Variants in ZMAT1 observed in about 807,000 individuals in gnomAD.
ZMAT1 encodes zinc finger matrin-type protein 1.
A neutral mutation model predicts 18.5 loss-of-function variants in ZMAT1; 11 were observed. The ratio of observed to expected loss-of-function variants is 0.59; its 90% confidence interval spans 0.37 to 0.98. The LOEUF is 0.98. ZMAT1 is among the 50% of genes least tolerant of loss of function. The probability of loss-of-function intolerance (pLI) is 0.01; values close to 1 mark genes in which losing one functional copy is unlikely to be tolerated. For synonymous variants in ZMAT1, 211 were observed against 176.4 expected, an observed-to-expected ratio of 1.20 and a Z score of -1.55; for missense variants, 525 against 496.2, an observed-to-expected ratio of 1.06 and a Z score of -0.55.
chrX:101,925,992 C>G (rs1456204002), intron 1 of ZMAT1, among the ~76,000 whole-genome samples: 1 of 112,172 alleles, frequency 8.9e-6, no homozygotes, highest in Admixed American at 9.5e-5. Flanking sequence ...TAGAACCAAT[C>G]CAATGTCCTC....
chrX:101,883,517 C>G lies in ZMAT1; in HGVS notation c.2081G>C (p.Gly694Ala), dbSNP rs1240167942. The change falls in exon 6 of 6, where the codon GGA becomes GCA. Residue 694 changes from glycine (G) to alanine (A), a missense_variant. Transcript: ENST00000651725. ...GTAAACAAAACTAAACATTCAAAAT[C>G]CAAGAATAGACTCATCCCAAAGCAT... ...EEMLWDESILGF is the reference protein window; with the variant it reads ...EEMLWDESILAF The G allele has an allele frequency of 1.7e-6, 2 of 1,163,954 alleles. No homozygotes were observed. Among genetic ancestry groups the G allele is most frequent in the East Asian group, 6.0e-5 (2 of 33,226 alleles).
intron 1 of ZMAT1, among the ~76,000 whole-genome samples, chrX:101,920,428 A>G (rs1327348426): frequency 9.0e-6 from 1 of 111,640 alleles, no homozygotes; most frequent in Non-Finnish European, 1.9e-5. Context: ...AAATTCGTCT[A>G]CAATTGTCAA....
At chrX:101,923,498 ATT>A (rs1178287432) in intron 1 of ZMAT1, among the ~76,000 whole-genome samples, 4 of 111,959 alleles carry the variant, frequency 3.6e-5, no homozygotes, top group Non-Finnish European at 5.6e-5. Flanking sequence ...ACAGAAGATG[ATT>A]TAAAGTTTTA....
intron 1 of ZMAT1, among the ~76,000 whole-genome samples, chrX:101,906,293 C>T (rs1011457483): frequency 4.5e-5 from 5 of 111,582 alleles, no homozygotes; most frequent in African/African-American, 6.5e-5. Flanking sequence ...ACCATGTCCT[C>T]GACCATCTCC....
chrX:101,902,159 A>G (rs1928280019), intron 2 of ZMAT1, among the ~76,000 whole-genome samples: 1 of 111,431 alleles, frequency 9.0e-6, no homozygotes, highest in Admixed American at 9.5e-5. Context: ...TTAGATTTTA[A>G]TTTTTGCCAG....
At chrX:101,898,321 T>A in intron 2 of ZMAT1, 101 bp from the exon 3 acceptor site, 1 of 697,716 alleles carries the variant, frequency 1.4e-6, no homozygotes, top group African/African-American at 2.1e-5. Flanking sequence ...TGTTAATATA[T>A]TTAGTCAAAC....
At chrX:101,888,510 T>A (rs1413861431) in intron 4 of ZMAT1, 1 of 111,531 alleles carries the variant, frequency 9.0e-6, no homozygotes, top group Admixed American at 9.5e-5. Flanking sequence ...TACAACTCCA[T>A]GTCAGACCAA....
chrX:101,883,516 T>C lies in ZMAT1; in HGVS notation c.2082A>G (p.Gly694=), dbSNP rs1359227591. ...GGTAAACAAAACTAAACATTCAAAA[T>C]CCAAGAATAGACTCATCCCAAAGCA... ...EEMLWDESIL[G]F is the part of the protein sequence containing the mutation. Residue 694 remains glycine (G), a synonymous_variant, in exon 6 of 6, where the codon GGA becomes GGG. Transcript: ENST00000651725. The C allele has an allele frequency of 2.6e-6, 3 of 1,166,946 alleles. No individual in the cohort carries two copies. Among genetic ancestry groups the C allele is most frequent in the Non-Finnish European group, 3.4e-6 (3 of 877,946 alleles).
At position 101,883,856 on chromosome X, in the gene ZMAT1, T is replaced by A; in HGVS notation, c.1742A>T (p.Glu581Val). ...TGCTTGATGGTCAGCAGTATTGTTT[T>A]CTGAAGAGAGGTGCTTGTAAACTTC... is the stretch of plus-strand genomic sequence containing the variant. Reference protein sequence around the residue: ...ESEVYKHLSSENNTADHQAGH... With the variant: ...ESEVYKHLSSVNNTADHQAGH... Residue 581 changes from glutamate (E) to valine (V), a missense_variant, in exon 6 of 6, where the codon GAA becomes GTA. Physicochemically the swap from Glu to Val is moderately radical, Grantham distance 121. Transcript: ENST00000651725. 10 of 1,208,511 alleles carry A rather than the reference T, an allele frequency of 8.3e-6. No homozygotes were observed. Among genetic ancestry groups the A allele is most frequent in the Non-Finnish European group, 8.9e-6 (8 of 894,782 alleles).
intron 1 of ZMAT1, among the ~76,000 whole-genome samples, chrX:101,931,009 T>G (rs761661627): frequency 1.8e-5 from 2 of 111,864 alleles, no homozygotes; most frequent in Non-Finnish European, 3.8e-5. Flanking sequence ...CATCCTCAAA[T>G]AGCCAAAGAA....
chrX:101,910,632 C>T (rs916476499), intron 1 of ZMAT1, among the ~76,000 whole-genome samples: 3 of 112,071 alleles, frequency 2.7e-5, no homozygotes, highest in African/African-American at 9.7e-5. Flanking sequence ...AATCAACTGG[C>T]ATACTGAAGA....
chrX:101,912,037 C>T (rs1929005860), intron 1 of ZMAT1: 3 of 1,152,664 alleles, frequency 2.6e-6, no homozygotes, highest in Non-Finnish European at 3.6e-6. Context: ...CACACAGCTC[C>T]TCCCTTACCA....
chrX:101,896,896 T>A (rs1927848814), intron 4 of ZMAT1, among the ~76,000 whole-genome samples: 1 of 110,323 alleles, frequency 9.1e-6, no homozygotes, highest in Non-Finnish European at 1.9e-5. Context: ...CCCCCTGTAT[T>A]TTCAGGATTT....
intron 1 of ZMAT1, among the ~76,000 whole-genome samples, chrX:101,910,302 C>A (rs1284082382): frequency 8.9e-6 from 1 of 112,127 alleles, no homozygotes; most frequent in African/African-American, 3.2e-5. Context: ...ACAAGAAGGA[C>A]AGCTACAAAT....
intron 1 of ZMAT1, chrX:101,912,172 T>C (rs965787928): frequency 1.6e-6 from 1 of 624,363 alleles, no homozygotes; most frequent in African/African-American, 2.2e-5. Context: ...CGTATATTCA[T>C]ACAAAAGCCT....
chrX:101,899,914 A>G (rs1928103842), intron 2 of ZMAT1, among the ~76,000 whole-genome samples: 1 of 111,961 alleles, frequency 8.9e-6, no homozygotes, highest in Admixed American at 9.5e-5. Flanking sequence ...AGTTTATATT[A>G]CCACCAGCAG....
At chrX:101,890,451 T>G (rs994875433) in intron 4 of ZMAT1, among the ~76,000 whole-genome samples, 1 of 111,430 alleles carries the variant, frequency 9.0e-6, no homozygotes, top group African/African-American at 3.3e-5. Flanking sequence ...GTAAGGGCAT[T>G]CCAGGGGATG....
intron 1 of ZMAT1, among the ~76,000 whole-genome samples, chrX:101,917,772 T>C (rs1358363230): frequency 1.8e-5 from 2 of 112,404 alleles, no homozygotes; most frequent in Non-Finnish European, 3.8e-5. Flanking sequence ...ATAACTAAAA[T>C]TTGGAAGCAA....
intron 1 of ZMAT1, among the ~76,000 whole-genome samples, chrX:101,929,826 A>C (rs1021473576): frequency 9.0e-6 from 1 of 111,510 alleles, no homozygotes; most frequent in African/African-American, 3.3e-5. Flanking sequence ...ATCAATCAGA[A>C]CAGCAAAATC....
Sources: gnomAD v4.1 joint callset for allele counts (sites outside exome capture counted in the v4.1 genomes callset) on GRCh38, gnomAD v4.1.1 for gene constraint, MANE v1.5 for transcripts, NCBI Gene and HGNC (gene_info 2026-07-23, HGNC 2026-07-21) for gene names.